TTLL4: variants seen among roughly 807,000 people sequenced by gnomAD.
TTLL4 encodes tubulin tyrosine ligase like 4.
TTLL4 carries 85 observed loss-of-function variants against 122.7 expected under a neutral mutation model. That is an observed-to-expected ratio of 0.69 (90% CI 0.58 to 0.83). TTLL4 has a LOEUF of 0.83. Among genes scored for constraint, TTLL4 ranks in the 40% least tolerant of loss-of-function variants. The probability of loss-of-function intolerance (pLI) is 0.00; values close to 1 mark genes in which losing one functional copy is unlikely to be tolerated. For synonymous variants in TTLL4, 553 were observed against 563.0 expected (o/e 0.98, Z 0.25); for missense variants, 1,363 against 1,488.6 (o/e 0.92, Z 1.39).
At chr2:218,719,176 A>G (rs1014272327) in intron 1 of TTLL4, among the ~76,000 whole-genome samples, 1 of 152,156 alleles carries the variant, frequency 6.6e-6, no homozygotes, top group African/African-American at 2.4e-5. Context: ...GACTTGGGCA[A>G]TATTGCTAAT....
intron 1 of TTLL4, among the ~76,000 whole-genome samples, chr2:218,718,181 T>C (rs540106429): frequency 6.6e-6 from 1 of 152,264 alleles, no homozygotes; most frequent in Non-Finnish European, 1.5e-5. Flanking sequence ...GTTTCCCTGG[T>C]GACCGAGGGA....
intron 19 of TTLL4, 47 bp from the exon 20 acceptor site, chr2:218,754,087 A>T: frequency 1.2e-6 from 2 of 1,610,672 alleles, no homozygotes; most frequent in African/African-American, 2.7e-5. Context: ...GTAAAGTCTC[A>T]GTTAAACAGT....
intron 2 of TTLL4, among the ~76,000 whole-genome samples, chr2:218,730,309 T>A (rs1164562595): frequency 2.6e-5 from 2 of 76,514 alleles, no homozygotes; most frequent in Non-Finnish European, 2.5e-5. Context: ...TTACTAAAAA[T>A]CCAAAAAAAA....
rs149134733 is a variant in TTLL4 at position 218,738,834 on chromosome 2, G to T, written c.1158G>T (p.Gln386His). Reference protein sequence around the residue: ...SRRWKPPAVNQQFPQEDAGSV... With the variant: ...SRRWKPPAVNHQFPQEDAGSV... ...GGTGGAAACCTCCTGCGGTAAATCA[G>T]CAGTTTCCTCAGGAGGATGCTGGAT... is the stretch of plus-strand genomic sequence containing the variant. Residue 386 changes from glutamine (Q) to histidine (H), a missense_variant, in exon 3 of 20, where the codon CAG becomes CAT. Around this residue, in one of 3 missense-constraint regions of TTLL4, gnomAD observed 760 missense variants for 808.4 expected, o/e 0.94. Transcript: ENST00000392102. 73 of 1,614,210 alleles carry T rather than the reference G, an allele frequency of 4.5e-5. 1 individual carries two copies. The African/African-American group carries it at 8.1e-4, about 18-fold the overall frequency.
At chr2:218,723,644 A>G (rs1017235258) in intron 1 of TTLL4, among the ~76,000 whole-genome samples, 4 of 152,224 alleles carry the variant, frequency 2.6e-5, no homozygotes, top group African/African-American at 9.6e-5. Context: ...GAAGCACATA[A>G]TATCATCATT....
chr2:218,746,674 G>A (rs1432924306), intron 8 of TTLL4: 1 of 394,934 alleles, frequency 2.5e-6, no homozygotes, highest in Admixed American at 4.2e-5. Flanking sequence ...TGGAATGAAT[G>A]AGTCCCTTGC....
At chr2:218,726,471 AT>A (rs1008579003) in intron 1 of TTLL4, among the ~76,000 whole-genome samples, 16 of 151,800 alleles carry the variant, frequency 1.1e-4, no homozygotes, top group African/African-American at 3.6e-4. Context: ...TCTGTTGTTT[AT>A]TTTTTTTCCG....
chr2:218,748,743 G>T, intron 12 of TTLL4, 93 bp from the exon 13 acceptor site: 4 of 1,056,246 alleles, frequency 3.8e-6, no homozygotes, highest in South Asian at 3.0e-5. Context: ...GAGATATGAA[G>T]AAAATACCAT....
intron 1 of TTLL4, among the ~76,000 whole-genome samples, chr2:218,715,620 G>A (rs530251834): frequency 1.3e-5 from 2 of 152,144 alleles, no homozygotes; most frequent in Non-Finnish European, 2.9e-5. Flanking sequence ...TAAAAATAAG[G>A]AATGATAATC....
At chr2:218,752,404 G>A (rs1943045416) in intron 16 of TTLL4, among the ~76,000 whole-genome samples, 1 of 152,188 alleles carries the variant, frequency 6.6e-6, no homozygotes, top group Admixed American at 6.5e-5. Context: ...GAGACCCCAG[G>A]AAGCTGACTT....
chr2:218,726,278 G>A (rs1248752736), intron 1 of TTLL4, among the ~76,000 whole-genome samples: 1 of 152,076 alleles, frequency 6.6e-6, no homozygotes, highest in Non-Finnish European at 1.5e-5. Context: ...AGATGAATTG[G>A]AGCTCCCTTA....
At chr2:218,728,912 T>A (rs1279595443) in intron 2 of TTLL4, among the ~76,000 whole-genome samples, 1 of 146,218 alleles carries the variant, frequency 6.8e-6, no homozygotes. Context: ...ACAGGGAAGC[T>A]GGTGGTCTAT....
At chr2:218,752,614 C>A in intron 16 of TTLL4, 149 bp from the exon 17 acceptor site, 1 of 738,516 alleles carries the variant, frequency 1.4e-6, no homozygotes, top group Non-Finnish European at 2.2e-6. Flanking sequence ...TCTTTCAGAG[C>A]TGGCCCACTA....
intron 1 of TTLL4, among the ~76,000 whole-genome samples, chr2:218,711,679 G>A (rs1424781581): frequency 6.6e-6 from 1 of 152,024 alleles, no homozygotes; most frequent in African/African-American, 2.4e-5. Flanking sequence ...CAGTCTAGGA[G>A]ATTATTAATC....
chr2:218,713,646 T>C (rs1485361544), intron 1 of TTLL4, among the ~76,000 whole-genome samples: 1 of 152,062 alleles, frequency 6.6e-6, no homozygotes, highest in African/African-American at 2.4e-5. Context: ...ATTAGTAAAA[T>C]CATGTAAAGA....
chr2:218,724,144 T>C (rs1942120287), intron 1 of TTLL4, among the ~76,000 whole-genome samples: 1 of 152,200 alleles, frequency 6.6e-6, no homozygotes, highest in African/African-American at 2.4e-5. Flanking sequence ...TGTGGTAAAG[T>C]ATTAACATTT....
chr2:218,746,306 G>T, intron 8 of TTLL4, 75 bp downstream of exon 8: 1 of 1,520,566 alleles, frequency 6.6e-7, no homozygotes, highest in Non-Finnish European at 9.1e-7. Context: ...TGTGAGTAGG[G>T]GGTAGGGGGC....
chr2:218,714,657 T>C (rs1439784894), intron 1 of TTLL4, among the ~76,000 whole-genome samples: 1 of 152,100 alleles, frequency 6.6e-6, no homozygotes, highest in Non-Finnish European at 1.5e-5. Context: ...AGACCGGCAG[T>C]GCTCAGAGCT....
At chr2:218,751,135 T>TC (rs1297014478) in intron 15 of TTLL4, among the ~76,000 whole-genome samples, 2 of 152,016 alleles carry the variant, frequency 1.3e-5, no homozygotes, top group Non-Finnish European at 2.9e-5. Flanking sequence ...AAACTTACTT[T>TC]CCCCGCTTTA....
Sources: allele counts gnomAD v4.1 joint callset (sites outside exome capture counted in the v4.1 genomes callset), GRCh38; gene constraint gnomAD v4.1.1; regional missense constraint gnomAD v4.1.1; transcripts MANE v1.5; gene names NCBI Gene and HGNC (gene_info 2026-07-23, HGNC 2026-07-21).